RMDN2: variants seen among roughly 807,000 people sequenced by gnomAD.
RMDN2 encodes regulator of microtubule dynamics protein 2.
RMDN2 carries 61 observed loss-of-function variants against 52.8 expected under a neutral mutation model. The observed-to-expected ratio is 1.16, with a 90% CI of 0.94 to 1.43. The LOEUF (loss-of-function observed/expected upper bound fraction) is 1.43. RMDN2 is among the 40% of genes most tolerant of loss of function. The probability of loss-of-function intolerance (pLI) is 0.00; values close to 1 mark genes in which losing one functional copy is unlikely to be tolerated. For synonymous variants in RMDN2, 180 were observed against 153.1 expected, an observed-to-expected ratio of 1.18 and a Z score of -1.30; for missense variants, 592 against 475.3, an observed-to-expected ratio of 1.25 and a Z score of -2.28.
intron 2 of RMDN2, among the ~76,000 whole-genome samples, chr2:37,962,788 C>T (rs1023535003): frequency 1.1e-4 from 17 of 152,094 alleles, no homozygotes; most frequent in African/African-American, 2.7e-4. Flanking sequence ...TCTGCTCAAA[C>T]GGCTGCCCAG....
chr2:37,972,606 C>A (rs986847533), intron 2 of RMDN2, among the ~76,000 whole-genome samples: 3 of 152,102 alleles, frequency 2.0e-5, no homozygotes, highest in African/African-American at 7.2e-5. Context: ...CTGAGTTATT[C>A]TTGCTACTCT....
chr2:38,003,003 T>A (rs1676519589), intron 8 of RMDN2: 1 of 152,186 alleles, frequency 6.6e-6, no homozygotes, highest in Non-Finnish European at 1.5e-5. Context: ...AAAGAATTCT[T>A]ATTTCCCAGA....
chr2:38,059,847 G>C (rs961457105), intron 10 of RMDN2, among the ~76,000 whole-genome samples: 6 of 151,938 alleles, frequency 3.9e-5, no homozygotes, highest in African/African-American at 1.4e-4. Context: ...AGAAGGACAG[G>C]GTTTTGTGTG....
At chr2:38,060,073 A>G (rs1681983557) in intron 10 of RMDN2, among the ~76,000 whole-genome samples, 1 of 81,526 alleles carries the variant, frequency 1.2e-5, no homozygotes, top group Non-Finnish European at 2.6e-5. Flanking sequence ...ATTTTATTTT[A>G]TTTTATTTTA....
At chr2:38,029,947 G>A (rs1336297545) in intron 10 of RMDN2, 1 of 152,138 alleles carries the variant, frequency 6.6e-6, no homozygotes, top group African/African-American at 2.4e-5. Flanking sequence ...GAGAATGAGA[G>A]CCAAGCGAAA....
intron 2 of RMDN2, among the ~76,000 whole-genome samples, chr2:37,944,373 C>G (rs910593182): frequency 6.6e-6 from 1 of 150,792 alleles, no homozygotes; most frequent in Non-Finnish European, 1.5e-5. Flanking sequence ...GAGGACCATA[C>G]AGTCTCCGTC....
At chr2:38,025,725 G>A (rs535099696) in intron 10 of RMDN2, among the ~76,000 whole-genome samples, 18 of 151,616 alleles carry the variant, frequency 1.2e-4, no homozygotes, top group Non-Finnish European at 1.9e-4. Flanking sequence ...ATGATCATAT[G>A]GTTTTACTGT....
chr2:37,967,891 C>T (rs565676209), intron 2 of RMDN2, among the ~76,000 whole-genome samples: 9 of 152,114 alleles, frequency 5.9e-5, no homozygotes, highest in African/African-American at 1.4e-4. Flanking sequence ...TTCCCAGGAC[C>T]CTCAGTTCTT....
rs1418342147 is a variant in RMDN2, at chr2:37,958,026, C to T, written c.453-16014C>T. Among the ~76,000 whole-genome samples, 3 of 152,146 alleles carry T rather than the reference C, an allele frequency of 2.0e-5. No individual in the cohort carries two copies. The East Asian group carries it at 5.8e-4, about 29-fold the overall frequency. ...TATATATCTGTTTTGGTACCAGTAC[C>T]ATGCTGTTTTGGTTACTGTAGCCTT... On this transcript the variant is annotated intron_variant, in intron 2 of 10. Coordinates refer to ENST00000354545, the MANE Select transcript of RMDN2 (RefSeq NM_001170791.3).
At chr2:37,944,606 C>G (rs754511699) in intron 2 of RMDN2, among the ~76,000 whole-genome samples, 9 of 152,130 alleles carry the variant, frequency 5.9e-5, no homozygotes, top group Admixed American at 1.3e-4. Flanking sequence ...GGATTTGAGA[C>G]TTAGGAGGTC....
intron 2 of RMDN2, chr2:37,952,282 A>G (rs751969334): frequency 3.1e-6 from 4 of 1,302,352 alleles, no homozygotes; most frequent in Admixed American, 2.0e-5. Context: ...TGTAGAATTC[A>G]TTTCTCATAA....
At chr2:38,048,006 G>A (rs775434500) in intron 10 of RMDN2, among the ~76,000 whole-genome samples, 4 of 152,206 alleles carry the variant, frequency 2.6e-5, no homozygotes, top group Non-Finnish European at 4.4e-5. Flanking sequence ...CTGAAATGAA[G>A]GATTGAGGTT....
In RMDN2 at chr2:38,017,449, A is replaced by G; in HGVS notation, c.*210A>G. On this transcript the variant is annotated 3_prime_UTR_variant, in exon 11 of 11. Transcript: ENST00000354545. ...AATCTATATACTATAATGTCAATAC[A>G]TAATCTATAAACATGTATGCTTTAT... The G allele has an allele frequency of 8.4e-7, 1 of 1,197,002 alleles. No homozygotes were observed. The highest frequency in any genetic ancestry group is 1.8e-5 in the South Asian group (1 of 54,504). The allele number at this position is 1,197,002 out of a possible 1,614,324, so 74.1% of individuals were successfully genotyped here.
Position 37,931,468 on chromosome 2 carries a change from A to G in RMDN2, c.452+1739A>G, listed in dbSNP as rs528600437. 5.1e-4 allele frequency among the ~76,000 whole-genome samples: 77 copies of G among 152,310 alleles called. 1 individual carries two copies. The South Asian group carries it at 0.015, about 29-fold the overall frequency. Reference sequence around the variant, plus strand: ...GGCAGTTGCATCTTAGAAAAGACCTAATGGAACTAGGGACTAACCAGAGAA... The same window carrying G: ...GGCAGTTGCATCTTAGAAAAGACCTGATGGAACTAGGGACTAACCAGAGAA... On this transcript the variant is annotated intron_variant, in intron 2 of 10. Coordinates refer to ENST00000354545, the MANE Select transcript of RMDN2 (RefSeq NM_001170791.3).
Position 37,974,030 on chromosome 2 carries a change from G to A in RMDN2, c.453-10G>A, listed in dbSNP as rs775796899. On this transcript the variant is annotated splice_polypyrimidine_tract_variant and intron_variant, in intron 2 of 10. Coordinates refer to ENST00000354545, the MANE Select transcript of RMDN2 (RefSeq NM_001170791.3). ...TTCAAAGGAGTTGATGATTATTTCT[G>A]CGATTTTAGGTATATTACAGCTAAT... The A allele has an allele frequency of 6.3e-7, 1 of 1,596,224 alleles. No individual in the cohort carries two copies. Among genetic ancestry groups the A allele is most frequent in the Non-Finnish European group, 8.5e-7 (1 of 1,171,904 alleles).
intron 10 of RMDN2, chr2:38,027,020 A>C (rs1258935756): frequency 6.6e-6 from 1 of 152,160 alleles, no homozygotes; most frequent in Non-Finnish European, 1.5e-5. Flanking sequence ...AATCTGTTCA[A>C]ACTTGTTGAG....
chr2:37,989,717 A>G (rs1044049060), intron 6 of RMDN2, 101 bp downstream of exon 6: 13 of 759,760 alleles, frequency 1.7e-5, no homozygotes, highest in South Asian at 1.4e-4. Flanking sequence ...TGTTCCATCA[A>G]TGGGTATAAA....
At chr2:38,034,430 G>T (rs1260026654) in intron 10 of RMDN2, among the ~76,000 whole-genome samples, 1 of 152,140 alleles carries the variant, frequency 6.6e-6, no homozygotes, top group Non-Finnish European at 1.5e-5. Flanking sequence ...GGGCAATAAA[G>T]ATCAGACTTT....
intron 8 of RMDN2, among the ~76,000 whole-genome samples, chr2:38,000,618 T>C (rs139356802): frequency 6.6e-6 from 1 of 152,382 alleles, no homozygotes; most frequent in East Asian, 1.9e-4. Context: ...TTTGTGTATA[T>C]CTGGCTTTTA....
Sources: gnomAD v4.1 joint callset for allele counts (sites outside exome capture counted in the v4.1 genomes callset) on GRCh38, gnomAD v4.1.1 for gene constraint, MANE v1.5 for transcripts, NCBI Gene and HGNC (gene_info 2026-07-23, HGNC 2026-07-21) for gene names.